Variants in DNAH5 observed in about 807,000 individuals in gnomAD.
DNAH5 encodes dynein axonemal heavy chain 5, also known as axonemal beta dynein heavy chain 5.
In DNAH5, 372 loss-of-function variants were observed where a neutral mutation model predicts 518.2. The observed-to-expected ratio is 0.72, with a 90% confidence interval of 0.66 to 0.78. The LOEUF is 0.78. DNAH5 is among the 30% of genes least tolerant of loss of function. The pLI is 0.00. For missense variants in DNAH5, 5,523 were observed against 5,687.0 expected (o/e 0.97, Z 0.93); for synonymous variants, 2,039 against 2,025.9 (o/e 1.01, Z -0.17).
chr5:13,772,499 C>G (rs1753481211), intron 55 of DNAH5, among the ~76,000 whole-genome samples: 1 of 152,198 alleles, frequency 6.6e-6, no homozygotes, highest in Non-Finnish European at 1.5e-5. Context: ...CCCGTGCCTG[C>G]TGAGATTCAG....
intron 75 of DNAH5, 149 bp downstream of exon 75, chr5:13,714,254 TTC>T: frequency 1.2e-6 from 1 of 805,384 alleles, no homozygotes; most frequent in Admixed American, 2.4e-5. Flanking sequence ...AGGCAAAAAC[TTC>T]TTTTTCTGGT....
rs1581026198 is a variant in DNAH5, at chr5:13,951,420, A to G, written c.13-20176T>C. On this transcript the variant is annotated intron_variant, in intron 1 of 78. Coordinates refer to the DNAH5 transcript ENST00000681290. ...TTTTTTGTAGAGATGGGGTCTTCCT[A>G]TGTTGCCCAGACTGGTCTCGAACTC... Among the ~76,000 whole-genome samples, 3 of 151,208 alleles carry G rather than the reference A, an allele frequency of 2.0e-5. No homozygotes were observed. The South Asian group carries it at 6.3e-4, about 32-fold the overall frequency.
rs1561577448 is a variant in DNAH5 at position 13,921,482 on chromosome 5, CACACA to C, written c.660+620_660+624del. ...TCTTGCTCTATCTCTCTCTCACACA[CACACA>C]CACACACACACACACACACACACAC... On this transcript the variant is annotated intron_variant, in intron 5 of 78. Transcript: ENST00000265104. Among the ~76,000 whole-genome samples, 1,097 of 134,474 alleles carry C rather than the reference CACACA, an allele frequency of 8.2e-3. 15 individuals are homozygous for C. Among genetic ancestry groups the C allele is most frequent in the African/African-American group, 0.015 (542 of 35,022 alleles). The allele number at this position is 134,474 out of a possible 152,430, so 88.2% of individuals were successfully genotyped here. A position where few individuals can be genotyped will look rare whatever the true frequency, so the allele number is the denominator to read the frequency against.
intron 69 of DNAH5, among the ~76,000 whole-genome samples, chr5:13,728,544 A>G (rs906361413): frequency 2.6e-5 from 4 of 152,200 alleles, no homozygotes; most frequent in African/African-American, 9.6e-5. Flanking sequence ...TTCAATATCA[A>G]TGGTCTAGGC....
chr5:13,917,220 T>C lies in DNAH5; in HGVS notation c.1012A>G (p.Thr338Ala). The C allele has an allele frequency of 6.2e-7, 1 of 1,614,046 alleles. No homozygotes were observed. The highest frequency in any genetic ancestry group is 8.5e-7 in the Non-Finnish European group (1 of 1,179,978). The change falls in exon 8 of 79, where the codon ACT (threonine) becomes GCT (alanine). Residue 338 changes from threonine to alanine, a missense_variant. Physicochemically the swap from Thr to Ala is moderately conservative, Grantham distance 58 (BLOSUM62 0). This residue lies in a region of DNAH5 where 5,121 missense variants were observed against 5,223.3 expected (regional missense o/e 0.98). Coordinates refer to ENST00000265104, the MANE Select transcript of DNAH5 (RefSeq NM_001369.3). ...TTCACATTGTCCTTTGCTTCATTAG[T>C]TGCATCAGTGATTCGAATATCCATC... ...REMDIRITDA[T>A]NEAKDNVKYL... is the part of the protein sequence containing the mutation.
chr5:13,744,585 C>T (rs915681071), intron 65 of DNAH5, among the ~76,000 whole-genome samples: 1 of 151,942 alleles, frequency 6.6e-6, no homozygotes, highest in Non-Finnish European at 1.5e-5. Flanking sequence ...GGAAATATCA[C>T]TATGTACCCC....
At chr5:13,786,953 C>T (rs1478929178) in intron 51 of DNAH5, among the ~76,000 whole-genome samples, 2 of 152,116 alleles carry the variant, frequency 1.3e-5, no homozygotes, top group African/African-American at 4.8e-5. Flanking sequence ...ACCAGCTTAA[C>T]ACTTTTCCAG....
chr5:13,775,138 T>TC (rs1554043071), intron 55 of DNAH5, among the ~76,000 whole-genome samples: 1 of 151,456 alleles, frequency 6.6e-6, no homozygotes. Flanking sequence ...TTTTTGTTTT[T>TC]TTTTTTTTTC....
intron 47 of DNAH5, among the ~76,000 whole-genome samples, chr5:13,805,428 G>T (rs1759434004): frequency 6.6e-6 from 1 of 152,110 alleles, no homozygotes; most frequent in Admixed American, 6.5e-5. Flanking sequence ...AACCCAGGAG[G>T]TGGAGGTTGC....
At chr5:13,888,032 G>T (rs1445737775) in intron 17 of DNAH5, among the ~76,000 whole-genome samples, 1 of 152,152 alleles carries the variant, frequency 6.6e-6, no homozygotes, top group Admixed American at 6.6e-5. Flanking sequence ...CTCAAAGAAT[G>T]ACCTTGATTT....
intron 41 of DNAH5, 42 bp from the exon 42 acceptor site, chr5:13,817,736 A>G: frequency 1.2e-6 from 2 of 1,601,616 alleles, no homozygotes; most frequent in Non-Finnish European, 8.6e-7. Flanking sequence ...TCAGATGGGA[A>G]GTGAACCATC....
intron 15 of DNAH5, 75 bp downstream of exon 15, chr5:13,900,131 G>T: frequency 7.6e-7 from 1 of 1,317,788 alleles, no homozygotes; most frequent in South Asian, 1.2e-5. Flanking sequence ...CCTTGAATAT[G>T]ACACATCACC....
At chr5:13,937,498 T>C (rs1779036703) in intron 1 of DNAH5, among the ~76,000 whole-genome samples, 1 of 151,370 alleles carries the variant, frequency 6.6e-6, no homozygotes, top group Non-Finnish European at 1.5e-5. Context: ...TCTCGGAGGT[T>C]AGTTCCTCAT....
At chr5:13,730,362 G>A (rs373553683) in intron 68 of DNAH5, among the ~76,000 whole-genome samples, 23 of 152,164 alleles carry the variant, frequency 1.5e-4, no homozygotes, top group African/African-American at 4.6e-4. Context: ...AAGAATTAAG[G>A]ATAAAATATA....
At chr5:13,943,274 TA>T (rs1266920409) in intron 1 of DNAH5, among the ~76,000 whole-genome samples, 26 of 152,178 alleles carry the variant, frequency 1.7e-4, no homozygotes, top group African/African-American at 6.3e-4. Flanking sequence ...AGCTCTGTGT[TA>T]AAGGAAGATT....
At chr5:13,750,778 A>AT (rs369054264) in intron 65 of DNAH5, among the ~76,000 whole-genome samples, 2 of 152,242 alleles carry the variant, frequency 1.3e-5, no homozygotes, top group Admixed American at 6.5e-5. Flanking sequence ...CAATCAAGTA[A>AT]TTTAAGAACA....
chr5:13,942,870 C>G (rs1033402257), intron 1 of DNAH5, among the ~76,000 whole-genome samples: 4 of 152,140 alleles, frequency 2.6e-5, no homozygotes, highest in African/African-American at 9.7e-5. Flanking sequence ...ACACGACGGT[C>G]GTGAATAAAG....
chr5:13,960,662 C>G (rs1214567664), intron 1 of DNAH5, among the ~76,000 whole-genome samples: 1 of 152,216 alleles, frequency 6.6e-6, no homozygotes, highest in Non-Finnish European at 1.5e-5. Flanking sequence ...GGCTGTGCCT[C>G]TCTTCTTACG....
rs111666677 is a variant in DNAH5 at position 13,909,683 on chromosome 5, C to G, written c.1644+1703G>C. Among the ~76,000 whole-genome samples, 17 of 152,174 alleles carry G rather than the reference C, an allele frequency of 1.1e-4. 1 individual carries two copies. Among genetic ancestry groups the G allele is most frequent in the African/African-American group, 3.4e-4 (14 of 41,498 alleles). On this transcript the variant is annotated intron_variant, in intron 12 of 78. Transcript: ENST00000265104. ...TATAGTATCAGAGTAGTATTCTTTCCTAAGTAGCCATTTTAACTCCATTTG... is the reference window on the plus strand; with the variant it reads ...TATAGTATCAGAGTAGTATTCTTTCGTAAGTAGCCATTTTAACTCCATTTG...
Sources: allele counts gnomAD v4.1 joint callset (sites outside exome capture counted in the v4.1 genomes callset), GRCh38; gene constraint gnomAD v4.1.1; regional missense constraint gnomAD v4.1.1; transcripts MANE v1.5; gene names NCBI Gene and HGNC (gene_info 2026-07-23, HGNC 2026-07-21).